CACNA1D: variants seen among roughly 807,000 people sequenced by gnomAD.
CACNA1D encodes calcium voltage-gated channel subunit alpha1 D, also known as voltage-dependent L-type calcium channel subunit alpha-1D.
CACNA1D carries 55 observed loss-of-function variants against 257.1 expected under a neutral mutation model. That is an observed-to-expected ratio of 0.21 (90% CI 0.17 to 0.27). The LOEUF (loss-of-function observed/expected upper bound fraction) is 0.27, where lower values mean the gene tolerates loss of function less well. Ranked by LOEUF, CACNA1D falls within the 10% of genes least tolerant of loss-of-function variation. The pLI is 1.00. For missense variants in CACNA1D, 1,876 were observed against 2,784.0 expected (o/e 0.67, Z 7.34); for synonymous variants, 980 against 1,014.9 (o/e 0.97, Z 0.65).
intron 4 of CACNA1D, among the ~76,000 whole-genome samples, chr3:53,653,348 T>C (rs72978528): frequency 0.021 from 3,184 of 151,832 alleles, 106 homozygotes; most frequent in African/African-American, 0.073. Flanking sequence ...ACTGAACATA[T>C]GAAGAAATGT....
chr3:53,529,773 G>A (rs2091886040), intron 3 of CACNA1D, among the ~76,000 whole-genome samples: 1 of 152,146 alleles, frequency 6.6e-6, no homozygotes, highest in Non-Finnish European at 1.5e-5. Flanking sequence ...TGCTAAAATT[G>A]TACTTATATT....
At chr3:53,610,636 T>C (rs2093571300) in intron 3 of CACNA1D, among the ~76,000 whole-genome samples, 2 of 152,234 alleles carry the variant, frequency 1.3e-5, no homozygotes, top group African/African-American at 4.8e-5. Context: ...GTGTCATTTA[T>C]GTTTGGGTTT....
intron 8 of CACNA1D, among the ~76,000 whole-genome samples, chr3:53,697,493 G>A (rs968487834): frequency 4.6e-5 from 7 of 152,064 alleles, no homozygotes; most frequent in African/African-American, 2.4e-5. Context: ...AAGCTGAAAT[G>A]AATATGTAAT....
At chr3:53,522,546 T>G (rs2091619918) in intron 3 of CACNA1D, among the ~76,000 whole-genome samples, 1 of 152,236 alleles carries the variant, frequency 6.6e-6, no homozygotes, top group Non-Finnish European at 1.5e-5. Flanking sequence ...AAGTGTGTTC[T>G]TTCTTGGAGA....
At chr3:53,570,211 A>G (rs1326542678) in intron 3 of CACNA1D, among the ~76,000 whole-genome samples, 1 of 152,236 alleles carries the variant, frequency 6.6e-6, no homozygotes, top group African/African-American at 2.4e-5. Context: ...TTCAAAGATC[A>G]AGGACTTCCT....
intron 7 of CACNA1D, 43 bp downstream of exon 7, chr3:53,666,578 G>A (rs1476087135): frequency 6.5e-7 from 1 of 1,541,438 alleles, no homozygotes; most frequent in Non-Finnish European, 9.0e-7. Flanking sequence ...TTCTTTGCTT[G>A]GATAAGTGGG....
chr3:53,730,338 C>T, intron 15 of CACNA1D, 104 bp from the exon 16 acceptor site: 1 of 780,612 alleles, frequency 1.3e-6, no homozygotes. Flanking sequence ...GGGACGGTCA[C>T]TTACTACCAG....
chr3:53,645,620 G>A (rs2094010777), intron 3 of CACNA1D, among the ~76,000 whole-genome samples: 1 of 152,150 alleles, frequency 6.6e-6, no homozygotes, highest in Non-Finnish European at 1.5e-5. Context: ...AAGATCAGTT[G>A]ACCATAAATG....
chr3:53,781,417 C>T, intron 38 of CACNA1D, 149 bp from the exon 39 acceptor site: 2 of 673,604 alleles, frequency 3.0e-6, no homozygotes, highest in Non-Finnish European at 5.4e-6. Flanking sequence ...GTGTGTTTGC[C>T]CCTGACTGGG....
chr3:53,707,144 A>G (rs1489492014), intron 9 of CACNA1D, among the ~76,000 whole-genome samples: 1 of 151,858 alleles, frequency 6.6e-6, no homozygotes, highest in Non-Finnish European at 1.5e-5. Flanking sequence ...ATGCGCTCAC[A>G]TTATCTTTTC....
chr3:53,540,132 T>G lies in CACNA1D; in HGVS notation c.483+38412T>G, dbSNP rs137954230. ...ATTTATTTGTTTGTTTGTTTATTTA[T>G]TTTTGAGACGGAGTCTCACTCTGTC... On this transcript the variant is annotated intron_variant, in intron 3 of 47. Transcript: ENST00000350061. 7.0e-3 allele frequency among the ~76,000 whole-genome samples: 1,061 copies of G among 152,198 alleles called. 13 individuals carry two copies. Among genetic ancestry groups the G allele is most frequent in the African/African-American group, 0.024 (1,004 of 41,514 alleles).
At chr3:53,533,790 T>G (rs1365626055) in intron 3 of CACNA1D, among the ~76,000 whole-genome samples, 1 of 152,228 alleles carries the variant, frequency 6.6e-6, no homozygotes, top group East Asian at 1.9e-4. Flanking sequence ...GTCTCCTTTT[T>G]TCAGCCTGGC....
intron 3 of CACNA1D, among the ~76,000 whole-genome samples, chr3:53,543,057 T>G (rs2107533179): frequency 6.8e-6 from 1 of 146,876 alleles, no homozygotes; most frequent in Middle Eastern, 3.5e-3. Context: ...CGACTACATG[T>G]ACCCTAAAAC....
chr3:53,499,572 A>G (rs1234009496), intron 2 of CACNA1D, among the ~76,000 whole-genome samples: 1 of 152,142 alleles, frequency 6.6e-6, no homozygotes, highest in African/African-American at 2.4e-5. Flanking sequence ...CACTTGTGAA[A>G]ATCTTATGGC....
At chr3:53,720,616 G>A (rs557344465) in intron 11 of CACNA1D, among the ~76,000 whole-genome samples, 1 of 152,334 alleles carries the variant, frequency 6.6e-6, no homozygotes, top group East Asian at 1.9e-4. Flanking sequence ...CATTTCACCA[G>A]AGAAGAGATG....
Position 53,747,402 on chromosome 3 carries a change from G to A in CACNA1D, c.3268G>A (p.Ala1090Thr), listed in dbSNP as rs774747697. Residue 1090 changes from alanine (A) to threonine (T), a missense_variant, in exon 26 of 48, where the codon GCT becomes ACT. Ala to Thr is a moderately conservative substitution (Grantham distance 58). This residue lies in a region of CACNA1D where 271 missense variants were observed against 425.5 expected (regional missense o/e 0.64). Coordinates refer to ENST00000350061, the MANE Select transcript of CACNA1D (RefSeq NM_001128840.3). ...TTTCAACTTCGACAACGTCCTCTCT[G>A]CTATGATGGCGCTCTTCACAGTCTC... ...SDFNFDNVLSAMMALFTVSTF... is the reference protein window; with the variant it reads ...SDFNFDNVLSTMMALFTVSTF... 6.2e-7 allele frequency: 1 copy of A among 1,614,236 alleles called. No homozygotes were observed. Among genetic ancestry groups the A allele is most frequent in the Non-Finnish European group, 8.5e-7 (1 of 1,180,014 alleles).
chr3:53,509,808 C>T (rs2091031679), intron 3 of CACNA1D, among the ~76,000 whole-genome samples: 1 of 152,200 alleles, frequency 6.6e-6, no homozygotes, highest in East Asian at 1.9e-4. Flanking sequence ...TGAGGGCTGA[C>T]GCTGAATCCT....
At chr3:53,761,710 A>C (rs1264967714) in intron 29 of CACNA1D, among the ~76,000 whole-genome samples, 1 of 152,084 alleles carries the variant, frequency 6.6e-6, no homozygotes, top group East Asian at 1.9e-4. Context: ...TGCCCTGTAG[A>C]TATCCTGCTT....
intron 8 of CACNA1D, chr3:53,679,604 G>A (rs1409958431): frequency 6.6e-6 from 1 of 152,164 alleles, no homozygotes; most frequent in Non-Finnish European, 1.5e-5. Context: ...AAGGGACAGG[G>A]GAGGACTCTT....
Sources: gnomAD v4.1 joint callset for allele counts (sites outside exome capture counted in the v4.1 genomes callset) on GRCh38, gnomAD v4.1.1 for gene constraint, gnomAD v4.1.1 regional missense constraint, MANE v1.5 for transcripts, NCBI Gene and HGNC (gene_info 2026-07-23, HGNC 2026-07-21) for gene names.